The following APLN variants were observed in gnomAD, a reference collection of about 807,000 sequenced individuals.
The protein encoded by APLN is AGTRL1 ligand.
APLN carries 2 observed loss-of-function variants against 4.3 expected under a neutral mutation model. The ratio of observed to expected loss-of-function variants is 0.46; its 90% CI spans 0.19 to 1.45. The LOEUF (loss-of-function observed/expected upper bound fraction) is 1.45, where lower values mean the gene tolerates loss of function less well. APLN is among the 40% of genes most tolerant of loss of function. APLN has a pLI of 0.25. For synonymous variants in APLN, 34 were observed against 30.4 expected (o/e 1.12, Z -0.38); for missense variants, 80 against 70.0 (o/e 1.14, Z -0.51).
chrX:129,654,530 T>G (rs1466660593), intron 1 of APLN, 34 bp downstream of exon 1: 1 of 1,139,785 alleles, frequency 8.8e-7, no homozygotes, highest in South Asian at 2.0e-5. Context: ...GCACGCCGGC[T>G]GCAGCCCGGG....
chrX:129,646,905 C>G lies in APLN; in HGVS notation c.*1018G>C, dbSNP rs1936944214. ...CTTCCCCTCCCAGCCACCCCCAGCCCCAGCCTCGGGAAAAGGCACTTCATT... is the reference window on the plus strand; with the variant it reads ...CTTCCCCTCCCAGCCACCCCCAGCCGCAGCCTCGGGAAAAGGCACTTCATT... On this transcript the variant is annotated 3_prime_UTR_variant, in exon 3 of 3. Coordinates refer to ENST00000429967, the MANE Select transcript of APLN (RefSeq NM_017413.5). The G allele has an allele frequency of 8.9e-6, 1 of 112,533 alleles. No homozygotes were observed. The highest frequency in any genetic ancestry group is 3.7e-4 in the South Asian group (1 of 2,681). 9.3% of individuals were successfully genotyped at this position (112,533 alleles called of 1,213,427 possible).
chrX:129,651,069 C>CAGCACCCA (rs58566887), intron 1 of APLN, among the ~76,000 whole-genome samples: 32,932 of 109,712 alleles, frequency 0.3, 7,459 homozygotes, highest in African/African-American at 0.76. Context: ...TCCAGGTGCT[C>CAGCACCCA]AGATTGTGAG....
Position 129,646,466 on chromosome X carries a change from T to C in APLN, c.*1457A>G, listed in dbSNP as rs1936941411. The C allele has an allele frequency of 8.9e-6, 1 of 112,531 alleles. No individual in the cohort carries two copies. The highest frequency in any genetic ancestry group is 9.4e-5 in the Admixed American group (1 of 10,693). 9.3% of individuals were successfully genotyped at this position (112,531 alleles called of 1,213,427 possible). ...AGGGCCTCCCGGGGAGAGGGTGCTATTCCTGCTGCACTTCCTCCCATCTTT... is the reference window on the plus strand; with the variant it reads ...AGGGCCTCCCGGGGAGAGGGTGCTACTCCTGCTGCACTTCCTCCCATCTTT... On this transcript the variant is annotated 3_prime_UTR_variant, in exon 3 of 3. Transcript: ENST00000429967.
rs1479439371 is a variant in APLN, at chrX:129,645,939, C to T, written c.*1984G>A. On this transcript the variant is annotated 3_prime_UTR_variant, in exon 3 of 3. Coordinates refer to ENST00000429967, the MANE Select transcript of APLN (RefSeq NM_017413.5). The stretch of plus-strand genomic sequence containing the variant: ...TCTTTGTATAAATTAGTATAAGAAT[C>T]ATAAACAACCACTTTAAATAAGGCA... 1 of 112,550 alleles carries T rather than the reference C, an allele frequency of 8.9e-6. No individual in the cohort carries two copies. The highest frequency in any genetic ancestry group is 1.9e-5 in the Non-Finnish European group (1 of 53,240). 9.3% of individuals were successfully genotyped at this position (112,550 alleles called of 1,213,427 possible).
intron 1 of APLN, among the ~76,000 whole-genome samples, chrX:129,654,240 A>C (rs1433655503): frequency 8.8e-6 from 1 of 113,229 alleles, no homozygotes; most frequent in Non-Finnish European, 1.9e-5. Flanking sequence ...CTCCACCTCT[A>C]CCACGCGGGG....
chrX:129,648,112 G>T (rs769505027), intron 2 of APLN, among the ~76,000 whole-genome samples, 195 bp from the exon 3 acceptor site: 3 of 111,625 alleles, frequency 2.7e-5, no homozygotes, highest in Non-Finnish European at 5.7e-5. Flanking sequence ...GACCAGGGAA[G>T]GGGCAGGCTT....
Position 129,654,730 on chromosome X carries a change from C to G in APLN, c.-100G>C, listed in dbSNP as rs1034676435. On this transcript the variant is annotated 5_prime_UTR_variant, in exon 1 of 3. Transcript: ENST00000429967. ...AGGCGCGAGCCGCGGCTGGCGCGTG[C>G]GGGCGCAGAGCTCGGGAGGCTCCCC... 4.8e-6 allele frequency: 3 copies of G among 624,084 alleles called. No homozygotes were observed. In the African/African-American group the frequency reaches 7.2e-5, roughly 15 times the overall value. The allele number at this position is 624,084 out of a possible 1,213,427, so 51.4% of individuals were successfully genotyped here.
chrX:129,654,833 G>C lies in APLN; in HGVS notation c.-203C>G, dbSNP rs1257548124. The stretch of plus-strand genomic sequence containing the variant: ...CTTCTGCAGCCTCCTCTCCCGCCGC[G>C]GGGCAGCGCCGCGAAGCTGGCCTCG... On this transcript the variant is annotated 5_prime_UTR_variant, in exon 1 of 3. Coordinates refer to ENST00000429967, the MANE Select transcript of APLN (RefSeq NM_017413.5). 3 of 205,540 alleles carry C rather than the reference G, an allele frequency of 1.5e-5. No homozygotes were observed. Among genetic ancestry groups the C allele is most frequent in the Non-Finnish European group, 2.6e-5 (3 of 113,768 alleles). 16.9% of individuals were successfully genotyped at this position (205,540 alleles called of 1,213,427 possible). A position where few individuals can be genotyped will look rare whatever the true frequency, so the allele number is the denominator to read the frequency against.
chrX:129,648,937 A>G lies in APLN; in HGVS notation c.68-145T>C, dbSNP rs1936960334. 20 of 600,247 alleles carry G rather than the reference A, an allele frequency of 3.3e-5. No homozygotes were observed. The South Asian group carries it at 6.9e-4, about 21-fold the overall frequency. The allele number at this position is 600,247 out of a possible 1,213,427, so 49.5% of individuals were successfully genotyped here. On this transcript the variant is annotated intron_variant, in intron 1 of 2. Transcript: ENST00000429967. ...TTGTTTCTTTTTTTCATATTGAGGG[A>G]AAATTTGCCATTTCTGCACTGTCCT...
Position 129,645,314 on chromosome X carries a change from CTACTT to C in APLN, c.*2604_*2608del, listed in dbSNP as rs1455135150. On this transcript the variant is annotated 3_prime_UTR_variant, in exon 3 of 3. Transcript: ENST00000429967. ...AGGCTATCTCATTCATCAAGCAACTCTACTTTGTGAAACATAAAATGATACAAACA... is the reference window on the plus strand; with the variant it reads ...AGGCTATCTCATTCATCAAGCAACTCTGTGAAACATAAAATGATACAAACA... The C allele has an allele frequency of 8.9e-6, 1 of 112,369 alleles. No homozygotes were observed. Among genetic ancestry groups the C allele is most frequent in the Non-Finnish European group, 1.9e-5 (1 of 53,343 alleles). 9.3% of individuals were successfully genotyped at this position (112,369 alleles called of 1,213,427 possible). A position where few individuals can be genotyped will look rare whatever the true frequency, so the allele number is the denominator to read the frequency against.
At chrX:129,649,395 C>T (rs1394613687) in intron 1 of APLN, among the ~76,000 whole-genome samples, 2 of 111,369 alleles carry the variant, frequency 1.8e-5, no homozygotes, top group Admixed American at 9.5e-5. Context: ...GCTCATATCT[C>T]GCCCCTGGGT....
At position 129,654,618 on chromosome X, in the gene APLN, G is replaced by C. The variant is rs1167383003; in HGVS notation, c.13C>G (p.Leu5Val). 8.7e-7 allele frequency: 1 copy of C among 1,147,941 alleles called. No individual in the cohort carries two copies. The highest frequency in any genetic ancestry group is 1.8e-5 in the African/African-American group (1 of 54,364). The allele number at this position is 1,147,941 out of a possible 1,213,427, so 94.6% of individuals were successfully genotyped here. The change falls in exon 1 of 3, where the codon CTC becomes GTC. Residue 5 changes from leucine to valine, a missense_variant. Physicochemically the swap from Leu to Val is conservative, Grantham distance 32. Transcript: ENST00000429967. ...AGCAGCAGGAGCGCCTGCACGCAGA[G>C]CCGCAGATTCATGCTGCTCCTTGGG... Reference protein sequence around the residue: MNLRLCVQALLLLWL... With the variant: MNLRVCVQALLLLWL...
At position 129,647,591 on chromosome X, in the gene APLN, T is replaced by C; in HGVS notation, c.*332A>G. On this transcript the variant is annotated 3_prime_UTR_variant, in exon 3 of 3. Transcript: ENST00000429967. Reference sequence around the variant, plus strand: ...GAGGAAGGAAGGCCCAAATGAAGGTTTGGGGCGTTAGATGAGACAGGCAGG... The same window carrying C: ...GAGGAAGGAAGGCCCAAATGAAGGTCTGGGGCGTTAGATGAGACAGGCAGG... 1 of 967,679 alleles carries C rather than the reference T, an allele frequency of 1.0e-6. No homozygotes were observed. Among genetic ancestry groups the C allele is most frequent in the Non-Finnish European group, 1.3e-6 (1 of 746,828 alleles). 79.7% of individuals were successfully genotyped at this position (967,679 alleles called of 1,213,427 possible).
Position 129,648,709 on chromosome X carries a change from C to T in APLN, c.151G>A (p.Gly51Arg). 5 of 1,179,624 alleles carry T rather than the reference C, an allele frequency of 4.2e-6. No homozygotes were observed. Among genetic ancestry groups the T allele is most frequent in the Non-Finnish European group, 5.7e-6 (5 of 878,870 alleles). The change falls in exon 2 of 3, where the codon GGG (glycine) becomes AGG (arginine). Residue 51 changes from glycine (G) to arginine (R), a missense_variant. Physicochemically the swap from Gly to Arg is moderately radical, Grantham distance 125. Transcript: ENST00000429967. ...CGACCTCCCTGCCAGGGCCCTGGCC[C>T]ATTCCTTGACCCTCTGGGCTGCACC... Reference protein sequence around the residue: ...HLVQPRGSRNGPGPWQGGRRK... With the variant: ...HLVQPRGSRNRPGPWQGGRRK...
At position 129,646,036 on chromosome X, in the gene APLN, C is replaced by T. The variant is rs1226337062; in HGVS notation, c.*1887G>A. ...CTTTCTTAGCCATCCCCCACTTTCT[C>T]CCCTTCCCCACGGGGCTGGGCTTGG... On this transcript the variant is annotated 3_prime_UTR_variant, in exon 3 of 3. Coordinates refer to ENST00000429967, the MANE Select transcript of APLN (RefSeq NM_017413.5). The T allele has an allele frequency of 8.9e-6, 1 of 112,643 alleles. No individual in the cohort carries two copies. The highest frequency in any genetic ancestry group is 9.4e-5 in the Admixed American group (1 of 10,591). 9.3% of individuals were successfully genotyped at this position (112,643 alleles called of 1,213,427 possible).
Position 129,647,806 on chromosome X carries a change from C to T in APLN, c.*117G>A, listed in dbSNP as rs756399659. ...TGAGAAGAGCTGGGCCCACTGGTGG[C>T]TACAGCAGGTGCGAGGTGAGAGCTG... On this transcript the variant is annotated 3_prime_UTR_variant, in exon 3 of 3. Transcript: ENST00000429967. 2.0e-4 allele frequency: 196 copies of T among 981,107 alleles called. 1 individual carries two copies. In the South Asian group the frequency reaches 3.8e-3, roughly 19 times the overall value. The allele number at this position is 981,107 out of a possible 1,213,427, so 80.9% of individuals were successfully genotyped here. A position where few individuals can be genotyped will look rare whatever the true frequency, so the allele number is the denominator to read the frequency against.
chrX:129,654,082 G>A (rs1227881227), intron 1 of APLN, among the ~76,000 whole-genome samples: 1 of 113,204 alleles, frequency 8.8e-6, no homozygotes, highest in Non-Finnish European at 1.9e-5. Flanking sequence ...CTGCATGTTG[G>A]CACATCATCC....
rs1043232395 is a variant in APLN at position 129,646,566 on chromosome X, C to T, written c.*1357G>A. Reference sequence around the variant, plus strand: ...GCCCTTCCCTTCCTTCTTCTCCCCTCTCCGCCTCCCCCAAAGGAAAAGCCC... The same window carrying T: ...GCCCTTCCCTTCCTTCTTCTCCCCTTTCCGCCTCCCCCAAAGGAAAAGCCC... On this transcript the variant is annotated 3_prime_UTR_variant, in exon 3 of 3. Coordinates refer to ENST00000429967, the MANE Select transcript of APLN (RefSeq NM_017413.5). 1 of 112,060 alleles carries T rather than the reference C, an allele frequency of 8.9e-6. No homozygotes were observed. Among genetic ancestry groups the T allele is most frequent in the African/African-American group, 3.2e-5 (1 of 30,779 alleles). The allele number at this position is 112,060 out of a possible 1,213,427, so 9.2% of individuals were successfully genotyped here. A position where few individuals can be genotyped will look rare whatever the true frequency, so the allele number is the denominator to read the frequency against.
rs375839749 is a variant in APLN at position 129,654,556 on chromosome X, G to A, written c.67+8C>T. 7.0e-4 allele frequency: 800 copies of A among 1,150,170 alleles called. No individual in the cohort carries two copies. The highest frequency in any genetic ancestry group is 1.1e-3 in the Middle Eastern group (4 of 3,724). The allele number at this position is 1,150,170 out of a possible 1,213,427, so 94.8% of individuals were successfully genotyped here. A position where few individuals can be genotyped will look rare whatever the true frequency, so the allele number is the denominator to read the frequency against. On this transcript the variant is annotated splice_region_variant and intron_variant, in intron 1 of 2. Transcript: ENST00000429967. ...GCAGCCCGGGCGAGCGGGAGGGCGCGCACTCACCTCCACACACCGCGGTCA... is the reference window on the plus strand; with the variant it reads ...GCAGCCCGGGCGAGCGGGAGGGCGCACACTCACCTCCACACACCGCGGTCA...
Sources: allele counts gnomAD v4.1 joint callset (sites outside exome capture counted in the v4.1 genomes callset), GRCh38; gene constraint gnomAD v4.1.1; transcripts MANE v1.5; gene names NCBI Gene and HGNC (gene_info 2026-07-23, HGNC 2026-07-21).